The following SEC22C variants were observed in gnomAD, a reference collection of about 807,000 sequenced individuals.
SEC22C encodes the protein vesicle-trafficking protein SEC22c.
Under a neutral mutation model 34.7 loss-of-function variants are expected in SEC22C, and 29 were observed. The ratio of observed to expected loss-of-function variants is 0.84; its 90% CI spans 0.62 to 1.14. The LOEUF is 1.14. Among genes scored for constraint, SEC22C ranks in the 50% most tolerant of loss-of-function variants. The pLI is 0.00. For synonymous variants in SEC22C, 117 were observed against 132.8 expected (o/e 0.88, Z 0.82); for missense variants, 337 against 369.0 (o/e 0.91, Z 0.71).
rs1702130373 is a variant in SEC22C at position 42,549,171 on chromosome 3, C to G, written c.*4077G>C. Reference sequence around the variant, plus strand: ...TCACAGGGCACAGGTAGAGCGTCCCCAGACCTGTGCAATATTCTACACGAA... The same window carrying G: ...TCACAGGGCACAGGTAGAGCGTCCCGAGACCTGTGCAATATTCTACACGAA... On this transcript the variant is annotated 3_prime_UTR_variant, in exon 7 of 7. Coordinates refer to ENST00000264454, the MANE Select transcript of SEC22C (RefSeq NM_032970.4). 1 of 989,376 alleles carries G rather than the reference C, an allele frequency of 1.0e-6. No homozygotes were observed. The highest frequency in any genetic ancestry group is 1.2e-6 in the Non-Finnish European group (1 of 832,088). 61.3% of individuals were successfully genotyped at this position (989,376 alleles called of 1,614,324 possible).
chr3:42,564,593 G>A (rs1328700845), intron 2 of SEC22C, among the ~76,000 whole-genome samples: 1 of 152,132 alleles, frequency 6.6e-6, no homozygotes, highest in Non-Finnish European at 1.5e-5. Context: ...CTTTTACGAG[G>A]CGCAAGAACA....
Position 42,550,065 on chromosome 3 carries a change from T to A in SEC22C, c.*3183A>T, listed in dbSNP as rs531948906. On this transcript the variant is annotated 3_prime_UTR_variant, in exon 7 of 7. Transcript: ENST00000264454. ...GGGAAAACAGATTTACATGTTTCGT[T>A]CATTAGCATATTAGGGAAGGGGAAA... 1.0e-6 allele frequency: 1 copy of A among 985,490 alleles called. No individual in the cohort carries two copies. The highest frequency in any genetic ancestry group is 1.1e-4 in the East Asian group (1 of 8,820). 61.0% of individuals were successfully genotyped at this position (985,490 alleles called of 1,614,324 possible). A position where few individuals can be genotyped will look rare whatever the true frequency, so the allele number is the denominator to read the frequency against.
At chr3:42,559,885 A>G (rs1702767579) in intron 4 of SEC22C, among the ~76,000 whole-genome samples, 1 of 152,022 alleles carries the variant, frequency 6.6e-6, no homozygotes, top group African/African-American at 2.4e-5. Flanking sequence ...CACTGTGATC[A>G]CGTTCATTAA....
rs1351750933 is a variant in SEC22C, at chr3:42,550,675, A to G, written c.*2573T>C. 2 of 985,120 alleles carry G rather than the reference A, an allele frequency of 2.0e-6. No homozygotes were observed. Among genetic ancestry groups the G allele is most frequent in the African/African-American group, 3.5e-5 (2 of 57,166 alleles). 61.0% of individuals were successfully genotyped at this position (985,120 alleles called of 1,614,324 possible). A position where few individuals can be genotyped will look rare whatever the true frequency, so the allele number is the denominator to read the frequency against. On this transcript the variant is annotated 3_prime_UTR_variant, in exon 7 of 7. Transcript: ENST00000264454. ...TCCACACATTCGACCTGGTGTGGATAACATCTCTGGTAGTGCCTCGGTGGT... is the reference window on the plus strand; with the variant it reads ...TCCACACATTCGACCTGGTGTGGATGACATCTCTGGTAGTGCCTCGGTGGT...
rs529107181 is a variant in SEC22C, at chr3:42,591,614, A to AC, written c.-28+9345dup. ...ACGAGTGCGTGCAGTAAGTACCCCC[A>AC]CCCCCGCGCCCCTGACCTGTGGGTA... On this transcript the variant is annotated intron_variant, in intron 1 of 6. Transcript: ENST00000417572. 22 of 1,599,360 alleles carry AC rather than the reference A, an allele frequency of 1.4e-5. No individual in the cohort carries two copies. In the East Asian group the frequency reaches 2.9e-4, roughly 21 times the overall value.
At chr3:42,588,642 A>G (rs1704704716) in intron 1 of SEC22C, among the ~76,000 whole-genome samples, 2 of 152,150 alleles carry the variant, frequency 1.3e-5, no homozygotes, top group African/African-American at 4.8e-5. Context: ...TTATGAACAA[A>G]AGTATAGGCC....
At position 42,548,823 on chromosome 3, in the gene SEC22C, G is replaced by A; in HGVS notation, c.*4425C>T. 3 of 1,435,206 alleles carry A rather than the reference G, an allele frequency of 2.1e-6. No individual in the cohort carries two copies. The East Asian group carries it at 7.5e-5, about 36-fold the overall frequency. 88.9% of individuals were successfully genotyped at this position (1,435,206 alleles called of 1,614,324 possible). On this transcript the variant is annotated 3_prime_UTR_variant, in exon 7 of 7. Transcript: ENST00000264454. ...TTTGTAAAGGCCAGAAGAAATGGCT[G>A]TGCTGTGCTGCCTGAAGCAGAAAAA... is the stretch of plus-strand genomic sequence containing the variant.
At chr3:42,567,513 C>A (rs1257498481) in intron 2 of SEC22C, among the ~76,000 whole-genome samples, 1 of 152,152 alleles carries the variant, frequency 6.6e-6, no homozygotes, top group Non-Finnish European at 1.5e-5. Context: ...TCCTCCTCTG[C>A]AAAACAGGTG....
chr3:42,584,898 G>T (rs190597117), upstream of SEC22C, among the ~76,000 whole-genome samples: 1 of 152,130 alleles, frequency 6.6e-6, no homozygotes, highest in African/African-American at 2.4e-5. Context: ...CACTTTGGGA[G>T]GCCAAGGTGG....
intron 1 of SEC22C, chr3:42,573,667 T>G (rs1703781887): frequency 6.6e-6 from 1 of 152,184 alleles, no homozygotes. Flanking sequence ...GACCCCCATC[T>G]GTATGAAAAT....
rs1466078816 is a variant in SEC22C at position 42,561,195 on chromosome 3, G to C, written c.448C>G (p.Pro150Ala). 2 of 1,614,144 alleles carry C rather than the reference G, an allele frequency of 1.2e-6. No homozygotes were observed. The highest frequency in any genetic ancestry group is 1.7e-6 in the Non-Finnish European group (2 of 1,180,032). The change falls in exon 4 of 7, where the codon CCA (proline) becomes GCA (alanine). Residue 150 changes from proline to alanine, a missense_variant. Physicochemically the swap from Pro to Ala is conservative, Grantham distance 27. Transcript: ENST00000264454. ...GTGTCCTCCAGAGTGAGAACCGCTGGAGGCTGCAACTTGAGCTCCTCCTGA... is the reference window on the plus strand; with the variant it reads ...GTGTCCTCCAGAGTGAGAACCGCTGCAGGCTGCAACTTGAGCTCCTCCTGA... ...KIQEELKLQP[P>A]AVLTLEDTDV...
At chr3:42,580,954 T>C (rs566691468) in intron 1 of SEC22C, among the ~76,000 whole-genome samples, 1 of 152,350 alleles carries the variant, frequency 6.6e-6, no homozygotes, top group East Asian at 1.9e-4. Context: ...ATGTTACTTT[T>C]TGAATTTAGT....
At chr3:42,571,045 C>G (rs1703596717) in intron 1 of SEC22C, among the ~76,000 whole-genome samples, 1 of 152,144 alleles carries the variant, frequency 6.6e-6, no homozygotes, top group Admixed American at 6.5e-5. Flanking sequence ...AATTGTATGC[C>G]CCTCTAAAGG....
At chr3:42,570,616 C>T (rs1703559175) in intron 1 of SEC22C, among the ~76,000 whole-genome samples, 1 of 152,132 alleles carries the variant, frequency 6.6e-6, no homozygotes, top group Admixed American at 6.5e-5. Context: ...AGGACCCACA[C>T]ATAAAAGCTA....
chr3:42,553,186 AAG>A lies in SEC22C; in HGVS notation c.*60_*61del. The A allele has an allele frequency of 3.1e-6, 5 of 1,591,266 alleles. No homozygotes were observed. Among genetic ancestry groups the A allele is most frequent in the Non-Finnish European group, 4.3e-6 (5 of 1,171,290 alleles). On this transcript the variant is annotated 3_prime_UTR_variant, in exon 7 of 7. Coordinates refer to ENST00000264454, the MANE Select transcript of SEC22C (RefSeq NM_032970.4). ...CTGGAGTGTAAAGTAGAGAAGCAGA[AAG>A]AGAAACATAGATTGATCCTCAAAAG...
At chr3:42,571,931 G>C (rs1161920905) in intron 1 of SEC22C, among the ~76,000 whole-genome samples, 1 of 152,216 alleles carries the variant, frequency 6.6e-6, no homozygotes, top group African/African-American at 2.4e-5. Context: ...TACTCAGGAG[G>C]CTGAGGCACG....
In SEC22C at chr3:42,553,372, T is replaced by G; in HGVS notation, c.788A>C (p.Asn263Thr). The G allele has an allele frequency of 6.2e-7, 1 of 1,614,172 alleles. No homozygotes were observed. The highest frequency in any genetic ancestry group is 8.5e-7 in the Non-Finnish European group (1 of 1,180,042). ...VLMLLFICLG[N>T]MYLHGLRNLW... is the part of the protein sequence containing the mutation. ...GTTCCTCAGCCCGTGCAGGTACATG[T>G]TGCCCAGGCAAATAAAGAGCAGCAT... is the stretch of plus-strand genomic sequence containing the variant. Residue 263 changes from asparagine (N) to threonine (T), a missense_variant, in exon 7 of 7, where the codon AAC becomes ACC. Physicochemically the swap from Asn to Thr is moderately conservative, Grantham distance 65 (BLOSUM62 0). Coordinates refer to ENST00000264454, the MANE Select transcript of SEC22C (RefSeq NM_032970.4).
At chr3:42,580,064 ATCT>A (rs1467393512) in intron 1 of SEC22C, among the ~76,000 whole-genome samples, 4 of 152,168 alleles carry the variant, frequency 2.6e-5, no homozygotes, top group Non-Finnish European at 5.9e-5. Context: ...TATTTCCTAA[ATCT>A]TCTTCCCAGC....
At chr3:42,564,213 G>A (rs1313537450) in intron 2 of SEC22C, 1 of 231,350 alleles carries the variant, frequency 4.3e-6, no homozygotes, top group Non-Finnish European at 8.6e-6. Flanking sequence ...GTGGTATTTA[G>A]GTTATTTTGG....
Sources: gnomAD v4.1 joint callset for allele counts (sites outside exome capture counted in the v4.1 genomes callset) on GRCh38, gnomAD v4.1.1 for gene constraint, MANE v1.5 for transcripts, NCBI Gene and HGNC (gene_info 2026-07-23, HGNC 2026-07-21) for gene names.